ZNF804A: variants seen among roughly 807,000 people sequenced by gnomAD.
ZNF804A encodes zinc finger protein 804A.
Under a neutral mutation model 16.5 loss-of-function variants are expected in ZNF804A, and 2 were observed. The observed-to-expected ratio is 0.12, with a 90% confidence interval of 0.05 to 0.38. ZNF804A has a LOEUF of 0.38. Among genes scored for constraint, ZNF804A ranks in the 10% least tolerant of loss-of-function variants. ZNF804A has a pLI of 0.99. For missense variants in ZNF804A, 1,473 were observed against 1,390.7 expected (o/e 1.06, Z -0.94); for synonymous variants, 534 against 489.6 (o/e 1.09, Z -1.20).
intron 1 of ZNF804A, among the ~76,000 whole-genome samples, chr2:184,731,421 C>T (rs1447882788): frequency 6.6e-6 from 1 of 151,870 alleles, no homozygotes; most frequent in Non-Finnish European, 1.5e-5. Flanking sequence ...TGGATTTTGG[C>T]CATTCGAATA....
intron 1 of ZNF804A, among the ~76,000 whole-genome samples, chr2:184,811,163 C>T (rs961680946): frequency 2.0e-5 from 3 of 152,070 alleles, no homozygotes; most frequent in South Asian, 2.1e-4. Context: ...TGGCAAATTA[C>T]GCTTACAATT....
chr2:184,745,459 C>T (rs1693774597), intron 1 of ZNF804A, among the ~76,000 whole-genome samples: 1 of 151,486 alleles, frequency 6.6e-6, no homozygotes, highest in Non-Finnish European at 1.5e-5. Flanking sequence ...TGTTAGTATT[C>T]CTATTTAAAT....
At chr2:184,682,133 C>A (rs1014550871) in intron 1 of ZNF804A, among the ~76,000 whole-genome samples, 1 of 152,122 alleles carries the variant, frequency 6.6e-6, no homozygotes, top group Non-Finnish European at 1.5e-5. Flanking sequence ...GCATGAACAG[C>A]CTGGGTGCCA....
At chr2:184,911,181 T>G (rs1444951194) in intron 2 of ZNF804A, among the ~76,000 whole-genome samples, 1 of 152,108 alleles carries the variant, frequency 6.6e-6, no homozygotes, top group African/African-American at 2.4e-5. Flanking sequence ...TTCATTCTTC[T>G]GCATATAGCT....
At chr2:184,830,939 C>A (rs1440771125) in intron 1 of ZNF804A, among the ~76,000 whole-genome samples, 1 of 151,938 alleles carries the variant, frequency 6.6e-6, no homozygotes, top group East Asian at 1.9e-4. Flanking sequence ...ACTGTAATCT[C>A]AATTTGAAGG....
chr2:184,706,395 T>C (rs1693031586), intron 1 of ZNF804A, among the ~76,000 whole-genome samples: 1 of 152,164 alleles, frequency 6.6e-6, no homozygotes. Flanking sequence ...CATGAGGTGA[T>C]AGGCAGAGAA....
At chr2:184,687,890 G>T (rs962001242) in intron 1 of ZNF804A, among the ~76,000 whole-genome samples, 1 of 152,250 alleles carries the variant, frequency 6.6e-6, no homozygotes, top group South Asian at 2.1e-4. Context: ...AGGCCAAGGC[G>T]GGTGGATCAA....
intron 2 of ZNF804A, among the ~76,000 whole-genome samples, chr2:184,881,956 G>A (rs1684815696): frequency 6.6e-6 from 1 of 152,034 alleles, no homozygotes; most frequent in South Asian, 2.1e-4. Context: ...ACCCTTGAAT[G>A]TAAATAGGTT....
chr2:184,852,464 CTTTT>C (rs550514423), intron 1 of ZNF804A, among the ~76,000 whole-genome samples: 2 of 110,764 alleles, frequency 1.8e-5, no homozygotes, highest in Admixed American at 9.2e-5. Context: ...TTTGACTATG[CTTTT>C]TTTTTTTTTT....
At chr2:184,656,789 C>A (rs982284690) in intron 1 of ZNF804A, among the ~76,000 whole-genome samples, 3 of 151,710 alleles carry the variant, frequency 2.0e-5, no homozygotes, top group Non-Finnish European at 2.9e-5. Flanking sequence ...ACAGGACAAT[C>A]ATTTTCCAGT....
At chr2:184,778,137 C>A (rs1694316426) in intron 1 of ZNF804A, among the ~76,000 whole-genome samples, 1 of 151,586 alleles carries the variant, frequency 6.6e-6, no homozygotes, top group African/African-American at 2.4e-5. Context: ...TGTTAAAGCT[C>A]CTGTTATGTC....
chr2:184,615,603 T>G (rs1296116057), intron 1 of ZNF804A, among the ~76,000 whole-genome samples: 1 of 152,192 alleles, frequency 6.6e-6, no homozygotes, highest in African/African-American at 2.4e-5. Context: ...TCTGCATTCT[T>G]TGAGGATTTG....
intron 1 of ZNF804A, among the ~76,000 whole-genome samples, chr2:184,646,700 T>C (rs964811995): frequency 1.3e-5 from 2 of 152,198 alleles, no homozygotes; most frequent in African/African-American, 4.8e-5. Context: ...GAGAATATAC[T>C]CTCCTTGATT....
At chr2:184,909,335 T>C (rs997082741) in intron 2 of ZNF804A, among the ~76,000 whole-genome samples, 7 of 152,062 alleles carry the variant, frequency 4.6e-5, no homozygotes, top group Non-Finnish European at 1.0e-4. Context: ...ATTACATGCA[T>C]TTTAAAATAA....
At chr2:184,917,993 T>C (rs1406524578) in intron 2 of ZNF804A, among the ~76,000 whole-genome samples, 2 of 152,128 alleles carry the variant, frequency 1.3e-5, no homozygotes, top group African/African-American at 4.8e-5. Flanking sequence ...GTGGGATGCC[T>C]CAAGACTTCA....
chr2:184,832,025 C>A (rs1695268362), intron 1 of ZNF804A, among the ~76,000 whole-genome samples: 1 of 151,886 alleles, frequency 6.6e-6, no homozygotes, highest in African/African-American at 2.4e-5. Context: ...ATAAAAAATG[C>A]ATTATTCTCT....
At chr2:184,765,416 T>C (rs1026287766) in intron 1 of ZNF804A, among the ~76,000 whole-genome samples, 2 of 152,168 alleles carry the variant, frequency 1.3e-5, no homozygotes, top group African/African-American at 4.8e-5. Context: ...CACTGCACCC[T>C]GGGCCTGGTA....
intron 1 of ZNF804A, among the ~76,000 whole-genome samples, chr2:184,708,038 G>A (rs1181607457): frequency 1.3e-5 from 2 of 151,958 alleles, no homozygotes; most frequent in Non-Finnish European, 2.9e-5. Context: ...CTAATAATTA[G>A]TGATTTTGAT....
chr2:184,820,654 A>G (rs1013723566), intron 1 of ZNF804A, among the ~76,000 whole-genome samples: 3 of 152,048 alleles, frequency 2.0e-5, no homozygotes, highest in Non-Finnish European at 4.4e-5. Flanking sequence ...ACATGATCCT[A>G]TATATAGAAA....
Sources: gnomAD v4.1 joint callset for allele counts (sites outside exome capture counted in the v4.1 genomes callset) on GRCh38, gnomAD v4.1.1 for gene constraint, MANE v1.5 for transcripts, NCBI Gene and HGNC (gene_info 2026-07-23, HGNC 2026-07-21) for gene names.